Variants in CSMD2 observed in about 807,000 individuals in gnomAD.
CSMD2 encodes the protein CUB and Sushi multiple domains 2.
CSMD2 carries 130 observed loss-of-function variants against 398.5 expected under a neutral mutation model. The observed-to-expected ratio is 0.33, with a 90% CI of 0.28 to 0.38. The LOEUF is 0.38. Ranked by LOEUF, CSMD2 falls within the 10% of genes least tolerant of loss-of-function variation. CSMD2 has a pLI of 1.00. For synonymous variants in CSMD2, 1,828 were observed against 1,908.5 expected, an observed-to-expected ratio of 0.96 and a Z score of 1.10; for missense variants, 3,829 against 4,764.9, an observed-to-expected ratio of 0.80 and a Z score of 5.78.
At chr1:34,152,452 G>A (rs1032280638) in intron 1 of CSMD2, among the ~76,000 whole-genome samples, 2 of 152,118 alleles carry the variant, frequency 1.3e-5, no homozygotes, top group Non-Finnish European at 1.5e-5. Context: ...AAGCCAGCCA[G>A]CCATCCCCCT....
chr1:33,916,243 C>T (rs991216490), intron 5 of CSMD2, among the ~76,000 whole-genome samples: 17 of 152,082 alleles, frequency 1.1e-4, no homozygotes, highest in African/African-American at 4.1e-4. Flanking sequence ...TATAAATAGC[C>T]AGCTAGCTTA....
chr1:34,123,442 T>C (rs1662404016), intron 1 of CSMD2, among the ~76,000 whole-genome samples: 1 of 152,160 alleles, frequency 6.6e-6, no homozygotes, highest in Non-Finnish European at 1.5e-5. Context: ...GTATCCTTTG[T>C]ATATCCTTTA....
At chr1:33,738,088 T>C (rs6661190) in intron 15 of CSMD2, among the ~76,000 whole-genome samples, 47,069 of 151,862 alleles carry the variant, frequency 0.31, 9,324 homozygotes, top group African/African-American at 0.57. Context: ...CTCTGGGTAA[T>C]ACTCTCTCTC....
intron 13 of CSMD2, among the ~76,000 whole-genome samples, chr1:33,754,784 T>C (rs1236204369): frequency 6.6e-6 from 1 of 152,136 alleles, no homozygotes; most frequent in Non-Finnish European, 1.5e-5. Context: ...TGTTTTTTGA[T>C]GGGAGAAAGG....
At chr1:33,560,937 T>C (rs1051474486) in intron 53 of CSMD2, among the ~76,000 whole-genome samples, 3 of 152,202 alleles carry the variant, frequency 2.0e-5, no homozygotes, top group African/African-American at 7.2e-5. Context: ...CCTTAGTCCT[T>C]AGTTCTATTT....
intron 13 of CSMD2, among the ~76,000 whole-genome samples, chr1:33,756,771 T>G (rs949248439): frequency 1.3e-5 from 2 of 152,138 alleles, no homozygotes; most frequent in African/African-American, 4.8e-5. Flanking sequence ...GATCTAGAAC[T>G]AGAAATACCA....
rs530374777 is a variant in CSMD2 at position 33,897,599 on chromosome 1, G to C, written c.920+20495C>G. On this transcript the variant is annotated intron_variant, in intron 5 of 70. Coordinates refer to ENST00000373381, the MANE Select transcript of CSMD2 (RefSeq NM_001281956.2). ...GGTCACCCCTCCTGCAGCCAGCACT[G>C]CTTCCGTGGGGAGCAACTGAGGACA... is the stretch of plus-strand genomic sequence containing the variant. 2.2e-4 allele frequency among the ~76,000 whole-genome samples: 34 copies of C among 152,296 alleles called. No homozygotes were observed. In the South Asian group the frequency reaches 5.6e-3, roughly 25 times the overall value.
At chr1:33,863,158 C>T (rs992499062) in intron 5 of CSMD2, 7 of 152,314 alleles carry the variant, frequency 4.6e-5, no homozygotes, top group African/African-American at 1.4e-4. Context: ...TATCATCAAC[C>T]ATTAAGTGAT....
intron 49 of CSMD2, 46 bp downstream of exon 49, chr1:33,577,250 G>A: frequency 6.5e-7 from 1 of 1,533,042 alleles, no homozygotes; most frequent in Non-Finnish European, 8.8e-7. Flanking sequence ...CAAGATATGA[G>A]TTGGATCCGA....
intron 1 of CSMD2, among the ~76,000 whole-genome samples, chr1:34,116,438 G>A (rs1354795943): frequency 2.0e-5 from 3 of 151,920 alleles, no homozygotes; most frequent in African/African-American, 7.2e-5. Flanking sequence ...ATTCAACAAG[G>A]AAGATATAAC....
chr1:33,870,091 C>T (rs1029452830), intron 5 of CSMD2: 1 of 152,136 alleles, frequency 6.6e-6, no homozygotes. Flanking sequence ...ATGTCCAATT[C>T]CTGGGCCTTT....
chr1:33,916,965 C>T (rs975641744), intron 5 of CSMD2, among the ~76,000 whole-genome samples: 2 of 152,154 alleles, frequency 1.3e-5, no homozygotes, highest in Non-Finnish European at 1.5e-5. Context: ...TCTTCCTCCT[C>T]CCTACTCCCA....
At position 33,572,506 on chromosome 1, in the gene CSMD2, G is replaced by C. The variant is rs751792986; in HGVS notation, c.7762C>G (p.Pro2588Ala). The change falls in exon 50 of 71, where the codon CCT becomes GCT. Residue 2588 changes from proline to alanine, a missense_variant and splice_region_variant. By Grantham distance (27) the Pro-to-Ala change is conservative. Around this residue, in one of 5 missense-constraint regions of CSMD2, gnomAD observed 723 missense variants for 758.6 expected, o/e 0.95. Transcript: ENST00000373381. ...SNRNVPPQCV[P>A]VTCPDVSSIS... is the part of the protein sequence containing the mutation. The stretch of plus-strand genomic sequence containing the variant: ...CCGCCTCCATTGCCCGAGGACTCAC[G>C]GACACACTGTGGTGGGACATTGCGG... 12 of 1,594,528 alleles carry C rather than the reference G, an allele frequency of 7.5e-6. No homozygotes were observed. Among genetic ancestry groups the C allele is most frequent in the Non-Finnish European group, 1.0e-5 (12 of 1,166,792 alleles).
chr1:33,943,531 A>G (rs912373404), intron 3 of CSMD2, among the ~76,000 whole-genome samples: 9 of 152,224 alleles, frequency 5.9e-5, no homozygotes, highest in Non-Finnish European at 7.3e-5. Flanking sequence ...TGAAATAGGC[A>G]GGCTCCCTCT....
intron 3 of CSMD2, among the ~76,000 whole-genome samples, chr1:34,000,423 C>T (rs1437907863): frequency 6.6e-6 from 1 of 152,114 alleles, no homozygotes; most frequent in African/African-American, 2.4e-5. Flanking sequence ...ATCCCCAAAC[C>T]ACCACACGCA....
At chr1:33,854,160 A>AG (rs1265955622) in intron 5 of CSMD2, among the ~76,000 whole-genome samples, 3 of 152,130 alleles carry the variant, frequency 2.0e-5, no homozygotes, top group Non-Finnish European at 4.4e-5. Context: ...CTTTGTTGCT[A>AG]GGTCTGGTTT....
rs540890110 is a variant in CSMD2 at position 33,635,402 on chromosome 1, C to T, written c.4970-72G>A. The T allele has an allele frequency of 1.1e-4, 108 of 940,494 alleles. 2 individuals are homozygous for T. In the South Asian group the frequency reaches 1.2e-3, roughly 10 times the overall value. 58.3% of individuals were successfully genotyped at this position (940,494 alleles called of 1,614,324 possible). ...TACCAGTGACCATCCTCTGTTCTGC[C>T]CCAGCCTGAGCTTCTGGCCCCAGTA... On this transcript the variant is annotated intron_variant, in intron 30 of 70. Transcript: ENST00000373381. This position sits in a 1 kb window ranked among gnomAD's most constrained non-coding sequence, Gnocchi z 5.0.
intron 4 of CSMD2, among the ~76,000 whole-genome samples, chr1:33,927,734 G>A (rs1644174094): frequency 6.6e-6 from 1 of 152,100 alleles, no homozygotes; most frequent in South Asian, 2.1e-4. Flanking sequence ...CCAGACCCTG[G>A]AGATGGGGTT....
At position 33,624,960 on chromosome 1, in the gene CSMD2, T is replaced by TG. The variant is rs1642012609; in HGVS notation, c.5500+90dup. ...GGTGGGAAGCGGCTGCTGTGTGTCG[T>TG]GGGGCATCACTGGGGCTGACTGCCT... On this transcript the variant is annotated intron_variant, in intron 34 of 70. Transcript: ENST00000373381. The surrounding 1 kb of genome is among the most constrained non-coding windows in gnomAD (Gnocchi z 4.7). The TG allele has an allele frequency of 1.5e-6, 2 of 1,309,144 alleles. No homozygotes were observed. The highest frequency in any genetic ancestry group is 2.2e-6 in the Non-Finnish European group (2 of 914,300). The allele number at this position is 1,309,144 out of a possible 1,614,324, so 81.1% of individuals were successfully genotyped here.
Sources: allele counts gnomAD v4.1 joint callset (sites outside exome capture counted in the v4.1 genomes callset), GRCh38; gene constraint gnomAD v4.1.1; regional missense constraint gnomAD v4.1.1; non-coding constraint Gnocchi (gnomAD v3.1); transcripts MANE v1.5; gene names NCBI Gene and HGNC (gene_info 2026-07-23, HGNC 2026-07-21).